The following PDXDC1 variants were observed in gnomAD, a reference collection of about 807,000 sequenced individuals.
The protein encoded by PDXDC1 is pyridoxal dependent decarboxylase domain containing 1.
PDXDC1 carries 42 observed loss-of-function variants against 100.1 expected under a neutral mutation model. That is an observed-to-expected ratio of 0.42 (90% CI 0.33 to 0.54). PDXDC1 has a LOEUF of 0.54. Among genes scored for constraint, PDXDC1 ranks in the 20% least tolerant of loss-of-function variants. The pLI, the probability that PDXDC1 is intolerant of heterozygous loss-of-function variation, is 0.10. For synonymous variants in PDXDC1, 260 were observed against 371.7 expected (o/e 0.70, Z 3.46); for missense variants, 636 against 979.2 (o/e 0.65, Z 4.68).
the PDXDC1 span, among the ~76,000 whole-genome samples, chr16:15,151,732 G>C: frequency 1.7e-5 from 2 of 115,960 alleles, no homozygotes; most frequent in East Asian, 4.4e-4. Context: ...AGGAGTTCAA[G>C]ACCAGCCTGA....
intron 1 of PDXDC1, among the ~76,000 whole-genome samples, chr16:14,980,174 G>A (rs1877522056): frequency 6.6e-6 from 1 of 152,286 alleles, no homozygotes; most frequent in Non-Finnish European, 1.5e-5. Context: ...GTCAGTGGCA[G>A]AGCTATTGAT....
rs202188284 is a variant in PDXDC1, at chr16:15,006,452, T to C, written c.448T>C (p.Cys150Arg). 69 of 1,609,462 alleles carry C rather than the reference T, an allele frequency of 4.3e-5. No individual in the cohort carries two copies. The highest frequency in any genetic ancestry group is 5.4e-5 in the Non-Finnish European group (63 of 1,176,442). Reference sequence around the variant, plus strand: ...GGAAAGAGAAGGACTTGCAAAGATATGTAGGCTTGCCATTCATTCTCGATA... The same window carrying C: ...GGAAAGAGAAGGACTTGCAAAGATACGTAGGCTTGCCATTCATTCTCGATA... The part of the protein sequence containing the change: ...EEEREGLAKI[C>R]RLAIHSRYED... Residue 150 changes from cysteine to arginine, a missense_variant, in exon 6 of 23, where the codon TGT becomes CGT. Physicochemically the swap from Cys to Arg is radical, Grantham distance 180. Coordinates refer to ENST00000396410, the MANE Select transcript of PDXDC1 (RefSeq NM_015027.4).
chr16:15,060,028 G>A, intron 16 of PDXDC1: 2 of 168,070 alleles, frequency 1.2e-5, no homozygotes, highest in Non-Finnish European at 2.6e-5. Context: ...GAAATTGAAA[G>A]AACATGTATT....
intron 1 of PDXDC1, chr16:14,989,114 C>T: frequency 6.2e-7 from 1 of 1,614,282 alleles, no homozygotes; most frequent in South Asian, 1.1e-5. Flanking sequence ...TGTCAGTGAT[C>T]TTCATTTCCA....
At position 14,998,387 on chromosome 16, in the gene PDXDC1, C is replaced by T. The variant is rs1295442516; in HGVS notation, c.143C>T (p.Pro48Leu). Residue 48 changes from proline (P) to leucine (L), a missense_variant, in exon 3 of 23, where the codon CCA (proline) becomes CTA (leucine). Transcript: ENST00000396410. ...NGKKLISGDIPGPLQGSGQDM... is the reference protein window; with the variant it reads ...NGKKLISGDILGPLQGSGQDM... ...AAGAAGCTCATATCCGGAGATATTCCAGGCCCACTCCAGGGCAGGTAGGTG... is the reference window on the plus strand; with the variant it reads ...AAGAAGCTCATATCCGGAGATATTCTAGGCCCACTCCAGGGCAGGTAGGTG... 6.2e-7 allele frequency: 1 copy of T among 1,613,106 alleles called. No homozygotes were observed. The highest frequency in any genetic ancestry group is 8.5e-7 in the Non-Finnish European group (1 of 1,179,800).
rs1012500744 is a variant in PDXDC1, at chr16:15,129,364, A to G, written c.1400-9515A>G. On this transcript the variant is annotated intron_variant, in intron 16 of 16. Transcript: ENST00000535621. Reference sequence around the variant, plus strand: ...CGCTTAAGGGGAATCGCTTAAACCCAGGAGCTGGAAGTTGCTGTGAGCCAA... The same window carrying G: ...CGCTTAAGGGGAATCGCTTAAACCCGGGAGCTGGAAGTTGCTGTGAGCCAA... 1.2e-3 allele frequency among the ~76,000 whole-genome samples: 184 copies of G among 151,906 alleles called. 2 individuals carry two copies. Among genetic ancestry groups the G allele is most frequent in the African/African-American group, 4.2e-3 (174 of 41,492 alleles).
At chr16:15,085,846 G>A (rs1173845639) in intron 16 of PDXDC1, 33 of 1,269,138 alleles carry the variant, frequency 2.6e-5, no homozygotes, top group Non-Finnish European at 3.2e-5. Context: ...TTAATTAAAC[G>A]CACAATCTGA....
chr16:15,005,380 G>C (rs1240725341), intron 5 of PDXDC1, among the ~76,000 whole-genome samples: 1 of 152,164 alleles, frequency 6.6e-6, no homozygotes, highest in African/African-American at 2.4e-5. Flanking sequence ...GTTTTATTCT[G>C]TGATAATCCT....
chr16:15,073,440 G>T (rs1208237660), intron 16 of PDXDC1, among the ~76,000 whole-genome samples: 1 of 152,098 alleles, frequency 6.6e-6, no homozygotes, highest in African/African-American at 2.4e-5. Flanking sequence ...CTGGGTTAGA[G>T]TAAGACCGTG....
At chr16:15,147,036 G>A in the PDXDC1 span, among the ~76,000 whole-genome samples, 6 of 151,792 alleles carry the variant, frequency 4.0e-5, no homozygotes, top group Admixed American at 6.6e-5. Context: ...TCCTGAAACT[G>A]AACAGGAAAC....
intron 12 of PDXDC1, among the ~76,000 whole-genome samples, chr16:15,019,422 C>T (rs1320238626): frequency 1.6e-4 from 24 of 152,276 alleles, no homozygotes; most frequent in Admixed American, 6.5e-5. Context: ...ATTCTCTCTC[C>T]ATTTTAGGTG....
At chr16:15,078,433 C>G (rs2045555782) in intron 16 of PDXDC1, among the ~76,000 whole-genome samples, 2 of 152,092 alleles carry the variant, frequency 1.3e-5, no homozygotes, top group South Asian at 4.2e-4. Context: ...CCACCATCCA[C>G]ATCCTCTCCC....
intron 16 of PDXDC1, among the ~76,000 whole-genome samples, chr16:15,081,677 T>C (rs1357467907): frequency 6.6e-6 from 1 of 152,250 alleles, no homozygotes. Context: ...ACGTTTAATT[T>C]TGAAGTACAA....
At chr16:15,114,881 A>G (rs2047186859) in intron 16 of PDXDC1, among the ~76,000 whole-genome samples, 1 of 142,922 alleles carries the variant, frequency 7.0e-6, no homozygotes, top group Admixed American at 7.1e-5. Flanking sequence ...GCCACACATA[A>G]CATACACTAA....
intron 14 of PDXDC1, 128 bp downstream of exon 14, chr16:15,026,834 T>C (rs1403731053): frequency 1.9e-5 from 21 of 1,084,966 alleles, no homozygotes; most frequent in Non-Finnish European, 2.7e-5. Flanking sequence ...TTCAGAAAAA[T>C]GTAATAATTT....
intron 19 of PDXDC1, 165 bp from the exon 20 acceptor site, chr16:15,034,121 A>G (rs1418599069): frequency 4.8e-6 from 3 of 621,772 alleles, no homozygotes; most frequent in African/African-American, 1.8e-5. Context: ...CTCTATGAGC[A>G]TGTTATCTGC....
intron 14 of PDXDC1, among the ~76,000 whole-genome samples, chr16:15,027,314 G>A (rs1222176643): frequency 1.3e-5 from 2 of 152,296 alleles, no homozygotes; most frequent in South Asian, 2.1e-4. Flanking sequence ...CATACAGACG[G>A]GCAGGCTGTG....
intron 16 of PDXDC1, among the ~76,000 whole-genome samples, chr16:15,088,657 A>T (rs1439936830): frequency 2.0e-5 from 3 of 152,110 alleles, no homozygotes; most frequent in Non-Finnish European, 4.4e-5. Context: ...AGCTGTCTTT[A>T]AACAGTAACA....
intron 16 of PDXDC1, among the ~76,000 whole-genome samples, chr16:15,081,553 A>G (rs994284724): frequency 4.6e-5 from 7 of 152,322 alleles, no homozygotes; most frequent in Non-Finnish European, 7.4e-5. Context: ...TTATTCAATT[A>G]TAAGAGTTCT....
Sources: allele counts gnomAD v4.1 joint callset (sites outside exome capture counted in the v4.1 genomes callset), GRCh38; gene constraint gnomAD v4.1.1; transcripts MANE v1.5; gene names NCBI Gene and HGNC (gene_info 2026-07-23, HGNC 2026-07-21).